COL14A1: variants seen among roughly 807,000 people sequenced by gnomAD.
COL14A1 encodes collagen alpha-1(XIV) chain.
A neutral mutation model predicts 230.3 loss-of-function variants in COL14A1; 136 were observed. The observed-to-expected ratio is 0.59, with a 90% confidence interval of 0.51 to 0.68. COL14A1 has a LOEUF of 0.68. Ranked by LOEUF, COL14A1 falls within the 30% of genes least tolerant of loss-of-function variation. The probability of loss-of-function intolerance (pLI) is 0.00; values close to 1 mark genes in which losing one functional copy is unlikely to be tolerated. For missense variants in COL14A1, 1,976 were observed against 2,215.8 expected (o/e 0.89, Z 2.17); for synonymous variants, 792 against 784.1 (o/e 1.01, Z -0.17).
At chr8:120,231,040 T>C (rs1050986888) in intron 18 of COL14A1, among the ~76,000 whole-genome samples, 5 of 152,068 alleles carry the variant, frequency 3.3e-5, no homozygotes, top group Non-Finnish European at 7.4e-5. Context: ...GGGCAGGTGA[T>C]TGGGATGTGT....
chr8:120,202,834 G>A (rs77424412), intron 8 of COL14A1, among the ~76,000 whole-genome samples: 10,074 of 151,516 alleles, frequency 0.066, 450 homozygotes, highest in Middle Eastern at 0.097. Flanking sequence ...CTTGACCATG[G>A]TATTCAGTAG....
At chr8:120,346,908 A>G (rs999473856) in intron 45 of COL14A1, among the ~76,000 whole-genome samples, 8 of 152,214 alleles carry the variant, frequency 5.3e-5, no homozygotes, top group Admixed American at 4.6e-4. Flanking sequence ...ATTGTGACCC[A>G]GTTCTGATTT....
At chr8:120,267,765 T>A (rs2129802710) in intron 25 of COL14A1, among the ~76,000 whole-genome samples, 1 of 151,888 alleles carries the variant, frequency 6.6e-6, no homozygotes, top group Admixed American at 6.6e-5. Flanking sequence ...GTGACAAAAT[T>A]AGGAATTTGG....
chr8:120,215,066 T>C (rs1817710573), intron 13 of COL14A1, among the ~76,000 whole-genome samples: 1 of 152,146 alleles, frequency 6.6e-6, no homozygotes. Context: ...GCCACTGATG[T>C]AGGGCCATAA....
intron 35 of COL14A1, 51 bp from the exon 36 acceptor site, chr8:120,300,681 A>T (rs751102700): frequency 7.2e-7 from 1 of 1,391,502 alleles, no homozygotes; most frequent in Non-Finnish European, 1.0e-6. Context: ...CAGTAAAGCC[A>T]TTTGTATAAA....
intron 5 of COL14A1, among the ~76,000 whole-genome samples, chr8:120,194,562 A>G (rs1400054691): frequency 6.6e-6 from 1 of 152,186 alleles, no homozygotes; most frequent in Non-Finnish European, 1.5e-5. Flanking sequence ...TAGGAGCTAT[A>G]CAGAATTTGT....
At chr8:120,232,179 AG>A (rs1225951221) in intron 19 of COL14A1, 2 of 152,188 alleles carry the variant, frequency 1.3e-5, no homozygotes, top group Non-Finnish European at 2.9e-5. Flanking sequence ...GTATCCCCTC[AG>A]GGATTTAGAT....
intron 19 of COL14A1, among the ~76,000 whole-genome samples, chr8:120,236,443 CT>C (rs200472631): frequency 1.8e-3 from 262 of 144,046 alleles, no homozygotes; most frequent in African/African-American, 3.5e-3. Flanking sequence ...GCAACCCCTG[CT>C]TTTTTTTTTT....
At position 120,297,565 on chromosome 8, in the gene COL14A1, A is replaced by T; in HGVS notation, c.4291A>T (p.Lys1431Ter). 2 of 1,427,544 alleles carry T rather than the reference A, an allele frequency of 1.4e-6. No homozygotes were observed. The highest frequency in any genetic ancestry group is 1.8e-6 in the Non-Finnish European group (2 of 1,086,604). 88.4% of individuals were successfully genotyped at this position (1,427,544 alleles called of 1,614,324 possible). ...CTCCACATCATGGGCCAATACAGACAAATGCTGTGAACTTCCAGGCCTGGT... is the reference window on the plus strand; with the variant it reads ...CTCCACATCATGGGCCAATACAGACTAATGCTGTGAACTTCCAGGCCTGGT... ...VCSTSWANTD[K>*]CCELPGLRDD... Residue 1431 changes from lysine (K) to a stop codon, truncating the protein, a stop_gained, in exon 35 of 48, where the codon AAA (lysine) becomes TAA (stop). Coordinates refer to ENST00000297848, the MANE Select transcript of COL14A1 (RefSeq NM_021110.4). LOFTEE classifies it high-confidence loss of function.
intron 5 of COL14A1, among the ~76,000 whole-genome samples, chr8:120,191,494 T>A (rs1816825182): frequency 1.3e-5 from 2 of 150,592 alleles, no homozygotes; most frequent in Admixed American, 1.3e-4. Context: ...ATAGGTGTGG[T>A]GTGGTGCTGA....
intron 1 of COL14A1, among the ~76,000 whole-genome samples, chr8:120,143,385 G>A (rs1458152198): frequency 6.6e-6 from 1 of 152,182 alleles, no homozygotes; most frequent in African/African-American, 2.4e-5. Flanking sequence ...TTGGGAGGCC[G>A]AGGTGGGCGG....
At chr8:120,269,928 G>A in intron 25 of COL14A1, 107 bp from the exon 26 acceptor site, 1 of 1,192,734 alleles carries the variant, frequency 8.4e-7, no homozygotes, top group Middle Eastern at 2.1e-4. Context: ...TCTTTCCTTT[G>A]AAAAAGAGCT....
intron 5 of COL14A1, among the ~76,000 whole-genome samples, chr8:120,176,930 G>A (rs1816301983): frequency 6.6e-6 from 1 of 151,950 alleles, no homozygotes; most frequent in Non-Finnish European, 1.5e-5. Context: ...TTGACATGGT[G>A]TTCCAGCAAC....
At chr8:120,370,844 A>G in intron 47 of COL14A1, 1 of 1,341,824 alleles carries the variant, frequency 7.5e-7, no homozygotes, top group Non-Finnish European at 9.8e-7. Context: ...AGATTTTTTA[A>G]AAAAATTTCT....
At chr8:120,156,356 A>G (rs1815479894) in intron 2 of COL14A1, among the ~76,000 whole-genome samples, 1 of 152,078 alleles carries the variant, frequency 6.6e-6, no homozygotes. Context: ...TTTAGTAGAG[A>G]TGGGGTTTCA....
intron 19 of COL14A1, among the ~76,000 whole-genome samples, chr8:120,240,156 G>T (rs949920149): frequency 6.7e-6 from 1 of 148,380 alleles, no homozygotes; most frequent in Non-Finnish European, 1.5e-5. Context: ...TGATAAATTT[G>T]GTGGTGCTTA....
At chr8:120,262,391 T>C (rs1819361833) in intron 23 of COL14A1, among the ~76,000 whole-genome samples, 1 of 151,944 alleles carries the variant, frequency 6.6e-6, no homozygotes, top group African/African-American at 2.4e-5. Flanking sequence ...GCGCATTGCT[T>C]GAACCCGGGA....
At chr8:120,292,494 G>A (rs144769935) in intron 34 of COL14A1, among the ~76,000 whole-genome samples, 1 of 152,088 alleles carries the variant, frequency 6.6e-6, no homozygotes, top group African/African-American at 2.4e-5. Context: ...TGAAATGAAT[G>A]TATTAAGTTA....
intron 5 of COL14A1, among the ~76,000 whole-genome samples, chr8:120,183,823 T>G (rs1426813049): frequency 1.3e-5 from 2 of 152,186 alleles, no homozygotes; most frequent in Non-Finnish European, 2.9e-5. Context: ...TTGCAAGGCT[T>G]GTCCATATTT....
Sources: allele counts gnomAD v4.1 joint callset (sites outside exome capture counted in the v4.1 genomes callset), GRCh38; gene constraint gnomAD v4.1.1; transcripts MANE v1.5; gene names NCBI Gene and HGNC (gene_info 2026-07-23, HGNC 2026-07-21).